TBC1D19: variants seen among roughly 807,000 people sequenced by gnomAD.
The protein encoded by TBC1D19 is TBC1 domain family member 19, also known as TBC1 domain family, member 19.
A neutral mutation model predicts 89.0 loss-of-function variants in TBC1D19; 60 were observed. The observed-to-expected ratio is 0.67, with a 90% confidence interval of 0.55 to 0.84. TBC1D19 has a LOEUF of 0.84. Among genes scored for constraint, TBC1D19 ranks in the 40% least tolerant of loss-of-function variants. TBC1D19 has a pLI of 0.00. For missense variants in TBC1D19, 500 were observed against 610.8 expected, an observed-to-expected ratio of 0.82 and a Z score of 1.91; for synonymous variants, 189 against 199.7, an observed-to-expected ratio of 0.95 and a Z score of 0.45.
Position 26,755,960 on chromosome 4 carries a change from G to A in TBC1D19, c.*1013G>A, listed in dbSNP as rs1462490904. Among the ~76,000 whole-genome samples the A allele has an allele frequency of 3.9e-5, 6 of 152,048 alleles. 1 individual carries two copies. The highest frequency in any genetic ancestry group is 5.9e-5 in the Non-Finnish European group (4 of 68,002). On this transcript the variant is annotated 3_prime_UTR_variant, in exon 21 of 21. Transcript: ENST00000264866. The stretch of plus-strand genomic sequence containing the variant: ...CTGTAATATGGAATAATAGTATGTG[G>A]GGTAAAAAGTCCAAAAACTATTGTC...
At chr4:26,741,929 A>T (rs1469342971) in intron 17 of TBC1D19, among the ~76,000 whole-genome samples, 1 of 152,264 alleles carries the variant, frequency 6.6e-6, no homozygotes, top group Admixed American at 6.5e-5. Context: ...ATATGTGTAT[A>T]CTAAGTAATC....
chr4:26,587,207 G>T (rs1041437114), intron 1 of TBC1D19, among the ~76,000 whole-genome samples: 2 of 152,122 alleles, frequency 1.3e-5, no homozygotes, highest in African/African-American at 4.8e-5. Flanking sequence ...TGGTTATGAT[G>T]CATTATTCTT....
intron 7 of TBC1D19, among the ~76,000 whole-genome samples, chr4:26,657,612 G>A (rs1219900054): frequency 6.6e-6 from 1 of 152,086 alleles, no homozygotes; most frequent in Non-Finnish European, 1.5e-5. Context: ...GTAATGGGAT[G>A]GCTGGGTCAA....
At chr4:26,739,267 G>T (rs1718213634) in intron 16 of TBC1D19, among the ~76,000 whole-genome samples, 1 of 152,142 alleles carries the variant, frequency 6.6e-6, no homozygotes, top group Non-Finnish European at 1.5e-5. Context: ...ATTCATTAGA[G>T]AAATAAATCC....
At chr4:26,777,592 C>T in the TBC1D19 span, among the ~76,000 whole-genome samples, 4 of 152,042 alleles carry the variant, frequency 2.6e-5, no homozygotes, top group Non-Finnish European at 5.9e-5. Context: ...GGATTACAGG[C>T]GTGTACCACC....
the TBC1D19 span, chr4:26,857,852 G>A: frequency 1.3e-5 from 2 of 152,568 alleles, 1 homozygote; most frequent in South Asian, 4.1e-4. Flanking sequence ...GGGATGGGGA[G>A]GAGCCGGTGC....
In TBC1D19 at chr4:26,673,824, G is replaced by C; in HGVS notation, c.752G>C (p.Gly251Ala). ...GCTGCTCAACAGTACATCAGACAAGGAAGTCCCACGGCACTGAGAGCTGAA... is the reference window on the plus strand; with the variant it reads ...GCTGCTCAACAGTACATCAGACAAGCAAGTCCCACGGCACTGAGAGCTGAA... Reference protein sequence around the residue: ...SAAAQQYIRQGSPTALRAELW... With the variant: ...SAAAQQYIRQASPTALRAELW... The change falls in exon 11 of 21, where the codon GGA (glycine) becomes GCA (alanine). Residue 251 changes from glycine (G) to alanine (A), a missense_variant. Gly to Ala is a moderately conservative substitution (Grantham distance 60, BLOSUM62 0). Around this residue, in one of 2 missense-constraint regions of TBC1D19, gnomAD observed 280 missense variants for 291.7 expected, o/e 0.96. Transcript: ENST00000264866. 1 of 1,611,236 alleles carries C rather than the reference G, an allele frequency of 6.2e-7. No individual in the cohort carries two copies. Among genetic ancestry groups the C allele is most frequent in the East Asian group, 2.2e-5 (1 of 44,726 alleles).
chr4:26,599,642 G>T (rs1416780069), intron 1 of TBC1D19, among the ~76,000 whole-genome samples: 2 of 152,020 alleles, frequency 1.3e-5, no homozygotes, highest in South Asian at 2.1e-4. Context: ...AAGTCAACCT[G>T]CATCTTAAAA....
chr4:26,841,017 G>A, the TBC1D19 span, among the ~76,000 whole-genome samples: 1 of 152,066 alleles, frequency 6.6e-6, no homozygotes, highest in Non-Finnish European at 1.5e-5. Flanking sequence ...GGTGTAAGAA[G>A]GGTTGGGGTC....
At chr4:26,638,523 C>T (rs1208697381) in intron 5 of TBC1D19, among the ~76,000 whole-genome samples, 1 of 152,086 alleles carries the variant, frequency 6.6e-6, no homozygotes, top group African/African-American at 2.4e-5. Flanking sequence ...CTGGCCAGTA[C>T]AGATCACTTA....
At chr4:26,708,812 T>C (rs1478998246) in intron 13 of TBC1D19, among the ~76,000 whole-genome samples, 2 of 152,070 alleles carry the variant, frequency 1.3e-5, no homozygotes, top group Non-Finnish European at 2.9e-5. Context: ...AATTTCCTTT[T>C]GGTTTCTTTT....
chr4:26,841,295 A>G, the TBC1D19 span, among the ~76,000 whole-genome samples: 1 of 151,678 alleles, frequency 6.6e-6, no homozygotes, highest in Non-Finnish European at 1.5e-5. Flanking sequence ...GCTGAGCAAG[A>G]GAATTGCTTG....
chr4:26,714,412 T>C (rs888293727), intron 13 of TBC1D19, among the ~76,000 whole-genome samples: 1 of 152,058 alleles, frequency 6.6e-6, no homozygotes, highest in Non-Finnish European at 1.5e-5. Flanking sequence ...ACTACTCTCG[T>C]CAAGGTCATC....
intron 9 of TBC1D19, among the ~76,000 whole-genome samples, chr4:26,670,870 A>G (rs930610919): frequency 6.6e-5 from 10 of 151,206 alleles, no homozygotes; most frequent in African/African-American, 2.4e-4. Context: ...TATAATATTC[A>G]AGGTGTTGTA....
the TBC1D19 span, among the ~76,000 whole-genome samples, chr4:26,823,635 A>G: frequency 6.6e-6 from 1 of 152,182 alleles, no homozygotes; most frequent in Non-Finnish European, 1.5e-5. Context: ...GATAAGAGCC[A>G]TATCCTGGGT....
intron 15 of TBC1D19, among the ~76,000 whole-genome samples, chr4:26,727,192 G>GA (rs1717371757): frequency 6.6e-6 from 1 of 152,190 alleles, no homozygotes; most frequent in Non-Finnish European, 1.5e-5. Context: ...AGGCTGAAGT[G>GA]ATGAGAGGCA....
chr4:26,585,301 C>A (rs1739345582), intron 1 of TBC1D19: 1 of 317,696 alleles, frequency 3.1e-6, no homozygotes, highest in Non-Finnish European at 6.2e-6. Flanking sequence ...CTTGATAGCG[C>A]TTGATGCTGC....
At chr4:26,803,455 G>A in the TBC1D19 span, among the ~76,000 whole-genome samples, 1 of 152,136 alleles carries the variant, frequency 6.6e-6, no homozygotes, top group Non-Finnish European at 1.5e-5. Context: ...AATCATCAGC[G>A]TAAAATCGAT....
chr4:26,709,122 C>A (rs1300981004), intron 13 of TBC1D19, among the ~76,000 whole-genome samples: 1 of 151,776 alleles, frequency 6.6e-6, no homozygotes, highest in African/African-American at 2.4e-5. Context: ...TTCTTCCCAG[C>A]GTTTTTGTTG....
Sources: allele counts gnomAD v4.1 joint callset (sites outside exome capture counted in the v4.1 genomes callset), GRCh38; gene constraint gnomAD v4.1.1; regional missense constraint gnomAD v4.1.1; transcripts MANE v1.5; gene names NCBI Gene and HGNC (gene_info 2026-07-23, HGNC 2026-07-21).